Variants in EVPL observed in about 807,000 individuals in gnomAD.
EVPL encodes 210 kDa cornified envelope precursor protein.
EVPL carries 94 observed loss-of-function variants against 129.7 expected under a neutral mutation model. That is an observed-to-expected ratio of 0.72 (90% CI 0.61 to 0.86). The LOEUF (loss-of-function observed/expected upper bound fraction) is 0.86, where lower values mean the gene tolerates loss of function less well. Among genes scored for constraint, EVPL ranks in the 40% least tolerant of loss-of-function variants. EVPL has a pLI of 0.00. For missense variants in EVPL, 2,625 were observed against 2,721.1 expected, an observed-to-expected ratio of 0.96 and a Z score of 0.79; for synonymous variants, 1,172 against 1,191.1, an observed-to-expected ratio of 0.98 and a Z score of 0.33.
intron 14 of EVPL, 140 bp downstream of exon 14, chr17:76,017,599 T>A: frequency 8.2e-7 from 1 of 1,217,016 alleles, no homozygotes; most frequent in Non-Finnish European, 1.1e-6. Context: ...GGAACCAGCT[T>A]GTCTGAGCCC....
Position 76,019,012 on chromosome 17 carries a change from G to A in EVPL, c.1186C>T (p.Gln396Ter). The change falls in exon 11 of 22, where the codon CAG (glutamine) becomes TAG (stop). Residue 396 changes from glutamine (Q) to a stop codon, truncating the protein, a stop_gained. Coordinates refer to ENST00000301607, the MANE Select transcript of EVPL (RefSeq NM_001988.4). LOFTEE classifies it high-confidence loss of function. ...AVTERATGDL[Q>*]RRSRDVAPLP... ...GGGGCCACATCCCGGCTTCGCCGCT[G>A]CAGGTCCCCAGTGGCCCTCTCGGTG... 6.4e-7 allele frequency: 1 copy of A among 1,574,204 alleles called. No homozygotes were observed. The highest frequency in any genetic ancestry group is 2.0e-5 in the Admixed American group (1 of 49,732).
chr17:76,009,289 C>G lies in EVPL; in HGVS notation c.3916G>C (p.Ala1306Pro), dbSNP rs1255200530. 6.2e-7 allele frequency: 1 copy of G among 1,607,984 alleles called. No homozygotes were observed. Among genetic ancestry groups the G allele is most frequent in the Non-Finnish European group, 8.5e-7 (1 of 1,179,846 alleles). ...CTCACCGTCTTGGTCTCCACCTTGG[C>G]CCGCTCGCGCCTCCACTCGTCGCGC... ...GERDEWRRER[A>P]KVETKTVSKE... The change falls in exon 22 of 22, where the codon GCC (alanine) becomes CCC (proline). Residue 1306 changes from alanine to proline, a missense_variant. Transcript: ENST00000301607. This position sits in a 1 kb window ranked among gnomAD's most constrained non-coding sequence, Gnocchi z 5.9.
chr17:76,008,355 G>A lies in EVPL; in HGVS notation c.4850C>T (p.Ser1617Leu). The change falls in exon 22 of 22, where the codon TCG becomes TTG. Residue 1617 changes from serine to leucine, a missense_variant. Coordinates refer to ENST00000301607, the MANE Select transcript of EVPL (RefSeq NM_001988.4). This position sits in a 1 kb window ranked among gnomAD's most constrained non-coding sequence, Gnocchi z 7.4. ...CTCCGTCTTCTGGCTGAGCAGCTTCGACTCCTCCTGCAGCTGCAGTGTCTG... is the reference window on the plus strand; with the variant it reads ...CTCCGTCTTCTGGCTGAGCAGCTTCAACTCCTCCTGCAGCTGCAGTGTCTG... ...QQQTLQLQEE[S>L]KLLSQKTESE... 1.9e-6 allele frequency: 3 copies of A among 1,602,846 alleles called. No homozygotes were observed. The highest frequency in any genetic ancestry group is 1.1e-5 in the South Asian group (1 of 90,980).
rs2066429337 is a variant in EVPL, at chr17:76,017,912, C to T, written c.1538-1G>A. 2.5e-6 allele frequency: 4 copies of T among 1,613,946 alleles called. No individual in the cohort carries two copies. Among genetic ancestry groups the T allele is most frequent in the Non-Finnish European group, 3.4e-6 (4 of 1,179,974 alleles). ...TTGGCCAGGTCTGAGCCAGATGGAG[C>T]TGGGGGCAGAGGTGCTGGTGAGGGC... On this transcript the variant is annotated splice_acceptor_variant, in intron 13 of 21. Transcript: ENST00000301607. LOFTEE classifies it high-confidence loss of function.
chr17:76,021,420 G>A, intron 9 of EVPL, 48 bp downstream of exon 9: 1 of 460,404 alleles, frequency 2.2e-6, no homozygotes, highest in Non-Finnish European at 3.9e-6. Context: ...TCCCGCCCCT[G>A]CCGCCCCTGC....
intron 9 of EVPL, 133 bp downstream of exon 9, chr17:76,021,335 T>A: frequency 1.3e-6 from 1 of 794,714 alleles, no homozygotes; most frequent in Non-Finnish European, 2.0e-6. Flanking sequence ...GGATTACAGG[T>A]GTGAGCCACC....
Position 76,017,850 on chromosome 17 carries a change from C to G in EVPL, c.1599G>C (p.Arg533=), listed in dbSNP as rs568771382. The change falls in exon 14 of 22, where the codon CGG becomes CGC. Residue 533 remains arginine (R), a synonymous_variant. Transcript: ENST00000301607. ...CTATCTGTCCCAGGTCTCCATCCAGCCGGGTCATCTGTGTCAGGAGCTTCT... is the reference window on the plus strand; with the variant it reads ...CTATCTGTCCCAGGTCTCCATCCAGGCGGGTCATCTGTGTCAGGAGCTTCT... ...QAQKLLTQMT[R]LDGDLGQIER... is the part of the protein sequence containing the mutation. 7 of 1,614,094 alleles carry G rather than the reference C, an allele frequency of 4.3e-6. No homozygotes were observed. In the African/African-American group the frequency reaches 9.3e-5, roughly 22 times the overall value.
Position 76,009,902 on chromosome 17 carries a change from C to A in EVPL, c.3303G>T (p.Glu1101Asp). 2 of 1,614,192 alleles carry A rather than the reference C, an allele frequency of 1.2e-6. No individual in the cohort carries two copies. The highest frequency in any genetic ancestry group is 1.7e-6 in the Non-Finnish European group (2 of 1,180,044). ...CCGCCTGCTTCCTCCGCGCAGCATC[C>A]TCCTCCATCTGCAGCCTCAGAGCCT... ...AAQALRLQME[E>D]DAARRKQAEE... Residue 1101 changes from glutamate to aspartate, a missense_variant, in exon 22 of 22, where the codon GAG becomes GAT. Coordinates refer to ENST00000301607, the MANE Select transcript of EVPL (RefSeq NM_001988.4). The surrounding 1 kb of genome is among the most constrained non-coding windows in gnomAD (Gnocchi z 5.9).
chr17:76,022,496 G>A lies in EVPL; in HGVS notation c.523C>T (p.Leu175=), dbSNP rs1033920063. 1 of 1,611,902 alleles carries A rather than the reference G, an allele frequency of 6.2e-7. No individual in the cohort carries two copies. The highest frequency in any genetic ancestry group is 8.5e-7 in the Non-Finnish European group (1 of 1,179,352). The stretch of plus-strand genomic sequence containing the variant: ...TTGTGCTCGGCGATCTGTTGCTCCA[G>A]CTCCGCCATGCCCGGCCCGTACTGG... The part of the protein sequence containing the change: ...AGQYGPGMAE[L]EQQIAEHNIL... Residue 175 remains leucine (L), a synonymous_variant, in exon 5 of 22, where the codon CTG becomes TTG. Coordinates refer to ENST00000301607, the MANE Select transcript of EVPL (RefSeq NM_001988.4). This position sits in a 1 kb window ranked among gnomAD's most constrained non-coding sequence, Gnocchi z 5.6.
In EVPL at chr17:76,018,502, G is replaced by A. The variant is rs147884038; in HGVS notation, c.1383C>T (p.Pro461=). The change falls in exon 12 of 22, where the codon CCC becomes CCT. Residue 461 remains proline, a synonymous_variant. Coordinates refer to ENST00000301607, the MANE Select transcript of EVPL (RefSeq NM_001988.4). The part of the protein sequence containing the change: ...QGPGGETKRA[P]AACFCIPAPD... Reference sequence around the variant, plus strand: ...GTGCTGGGATGCAGAAGCAGGCGGCGGGAGCACGCTTGGTCTCCCCGCCAG... The same window carrying A: ...GTGCTGGGATGCAGAAGCAGGCGGCAGGAGCACGCTTGGTCTCCCCGCCAG... 28 of 1,612,366 alleles carry A rather than the reference G, an allele frequency of 1.7e-5. No individual in the cohort carries two copies. Among genetic ancestry groups the A allele is most frequent in the African/African-American group, 4.0e-5 (3 of 74,906 alleles).
At position 76,010,046 on chromosome 17, in the gene EVPL, C is replaced by T. The variant is rs1227681260; in HGVS notation, c.3159G>A (p.Leu1053=). The T allele has an allele frequency of 6.2e-7, 1 of 1,613,006 alleles. No individual in the cohort carries two copies. Among genetic ancestry groups the T allele is most frequent in the African/African-American group, 1.3e-5 (1 of 75,068 alleles). Reference sequence around the variant, plus strand: ...CCAGTAGCTCCTTCTTCAGCCCTTCCAGCCGGGCCGAGATGACGGCATCCT... The same window carrying T: ...CCAGTAGCTCCTTCTTCAGCCCTTCTAGCCGGGCCGAGATGACGGCATCCT... The part of the protein sequence containing the change: ...RGEDAVISAR[L]EGLKKELLAL... The change falls in exon 22 of 22, where the codon CTG becomes CTA. Residue 1053 remains leucine (L), a synonymous_variant. Coordinates refer to ENST00000301607, the MANE Select transcript of EVPL (RefSeq NM_001988.4).
chr17:76,017,830 T>C lies in EVPL; in HGVS notation c.1619A>G (p.Gln540Arg). The change falls in exon 14 of 22, where the codon CAG (glutamine) becomes CGG (arginine). Residue 540 changes from glutamine to arginine, a missense_variant. Transcript: ENST00000301607. ...CCAGGCCAGCACCTGCCTCTCTATC[T>C]GTCCCAGGTCTCCATCCAGCCGGGT... The part of the protein sequence containing the change: ...QMTRLDGDLG[Q>R]IERQVLAWAR... 1 of 1,613,982 alleles carries C rather than the reference T, an allele frequency of 6.2e-7. No homozygotes were observed. The highest frequency in any genetic ancestry group is 1.1e-5 in the South Asian group (1 of 91,092).
rs370622584 is a variant in EVPL, at chr17:76,022,362, A to G, written c.606+51T>C. On this transcript the variant is annotated intron_variant, in intron 5 of 21. Transcript: ENST00000301607. This position sits in a 1 kb window ranked among gnomAD's most constrained non-coding sequence, Gnocchi z 5.6. Reference sequence around the variant, plus strand: ...CCGATCTAGCTCCGGCTCTGACTGGAGAAACGGGCTGGGGCTGGCCCCGGA... The same window carrying G: ...CCGATCTAGCTCCGGCTCTGACTGGGGAAACGGGCTGGGGCTGGCCCCGGA... The G allele has an allele frequency of 2.2e-4, 362 of 1,610,894 alleles. 2 individuals are homozygous for G. The highest frequency in any genetic ancestry group is 1.4e-4 in the Non-Finnish European group (163 of 1,178,680).
At chr17:76,011,084 A>G (rs2066373381) in intron 21 of EVPL, among the ~76,000 whole-genome samples, 1 of 152,220 alleles carries the variant, frequency 6.6e-6, no homozygotes, top group South Asian at 2.1e-4. Context: ...AAACAAAAAA[A>G]AAGTGCAAAC....
intron 14 of EVPL, 61 bp from the exon 15 acceptor site, chr17:76,015,689 G>T: frequency 1.3e-6 from 2 of 1,532,832 alleles, no homozygotes; most frequent in Non-Finnish European, 1.8e-6. Context: ...TCTTCTACCA[G>T]GATACCCTAA....
In EVPL at chr17:76,008,127, G is replaced by A. The variant is rs201219428; in HGVS notation, c.5078C>T (p.Thr1693Met). 25 of 1,614,086 alleles carry A rather than the reference G, an allele frequency of 1.5e-5. No homozygotes were observed. In the East Asian group the frequency reaches 1.6e-4, roughly 10 times the overall value. Residue 1693 changes from threonine (T) to methionine (M), a missense_variant, in exon 22 of 22, where the codon ACG (threonine) becomes ATG (methionine). Thr to Met is a moderately conservative substitution (Grantham distance 81, BLOSUM62 -1). This residue lies in a region of EVPL where 1,453 missense variants were observed against 1,511.8 expected (regional missense o/e 0.96). Coordinates refer to ENST00000301607, the MANE Select transcript of EVPL (RefSeq NM_001988.4). This position sits in a 1 kb window ranked among gnomAD's most constrained non-coding sequence, Gnocchi z 7.4. ...CTCGTATGGGGACATGTCCTTCCCC[G>A]TCTCGGGTTCCAGGATGGAGATCTT... Reference protein sequence around the residue: ...STKISILEPETGKDMSPYEAY... With the variant: ...STKISILEPEMGKDMSPYEAY...
chr17:76,019,340 G>A (rs1260204474), intron 10 of EVPL, among the ~76,000 whole-genome samples, 188 bp downstream of exon 10: 2 of 152,146 alleles, frequency 1.3e-5, no homozygotes, highest in Admixed American at 6.5e-5. Context: ...TGAGGAAACT[G>A]ACGTCCAGAA....
Position 76,019,515 on chromosome 17 carries a change from G to A in EVPL, c.1137+13C>T, listed in dbSNP as rs148077912. Reference sequence around the variant, plus strand: ...AGAAGTGGGGTGCAGACGGCCTGGTGGGGTTGTCTCACCTCCAGCTGTTGC... The same window carrying A: ...AGAAGTGGGGTGCAGACGGCCTGGTAGGGTTGTCTCACCTCCAGCTGTTGC... On this transcript the variant is annotated intron_variant, in intron 10 of 21. Coordinates refer to ENST00000301607, the MANE Select transcript of EVPL (RefSeq NM_001988.4). 5.6e-4 allele frequency: 861 copies of A among 1,546,478 alleles called. 1 individual carries two copies. Among genetic ancestry groups the A allele is most frequent in the South Asian group, 6.5e-4 (53 of 80,964 alleles).
intron 1 of EVPL, among the ~76,000 whole-genome samples, chr17:76,025,784 G>A (rs961158608): frequency 3.9e-5 from 6 of 152,236 alleles, no homozygotes; most frequent in South Asian, 4.1e-4. Flanking sequence ...CTGGACCCAG[G>A]CGGGCTGCTG....
Sources: gnomAD v4.1 joint callset for allele counts (sites outside exome capture counted in the v4.1 genomes callset) on GRCh38, gnomAD v4.1.1 for gene constraint, gnomAD v4.1.1 regional missense constraint, Gnocchi (gnomAD v3.1) non-coding constraint, MANE v1.5 for transcripts, NCBI Gene and HGNC (gene_info 2026-07-23, HGNC 2026-07-21) for gene names.